Variants in MARCHF11 observed in about 807,000 individuals in gnomAD.
MARCHF11 encodes the protein E3 ubiquitin-protein ligase MARCHF11.
In MARCHF11, 29 loss-of-function variants were observed where a neutral mutation model predicts 37.3. The observed-to-expected ratio is 0.78, with a 90% confidence interval of 0.58 to 1.06. The LOEUF (loss-of-function observed/expected upper bound fraction) is 1.06. MARCHF11 is among the 50% of genes least tolerant of loss of function. The pLI is 0.00. For synonymous variants in MARCHF11, 233 were observed against 228.0 expected (o/e 1.02, Z -0.20); for missense variants, 482 against 533.4 (o/e 0.90, Z 0.95).
chr5:16,158,086 T>C (rs1263003419), intron 2 of MARCHF11, among the ~76,000 whole-genome samples: 1 of 151,908 alleles, frequency 6.6e-6, no homozygotes, highest in Non-Finnish European at 1.5e-5. Context: ...TGCCCAGCAT[T>C]ACTAATCATT....
intron 2 of MARCHF11, among the ~76,000 whole-genome samples, chr5:16,104,668 G>T (rs1035601944): frequency 1.3e-5 from 2 of 148,640 alleles, no homozygotes; most frequent in African/African-American, 5.1e-5. Flanking sequence ...CCCCAAGGAA[G>T]GCCATTTACC....
intron 2 of MARCHF11, among the ~76,000 whole-genome samples, chr5:16,096,997 G>C (rs1736879036): frequency 6.6e-6 from 1 of 152,126 alleles, no homozygotes. Context: ...TTTTTACAAG[G>C]CAGGCCAGAA....
intron 2 of MARCHF11, among the ~76,000 whole-genome samples, chr5:16,111,766 A>G (rs1737141155): frequency 6.6e-6 from 1 of 152,218 alleles, no homozygotes; most frequent in East Asian, 1.9e-4. Flanking sequence ...TTTGGAGAGC[A>G]GCCCCTCCCA....
At chr5:16,104,053 C>A (rs1247587801) in intron 2 of MARCHF11, among the ~76,000 whole-genome samples, 1 of 152,174 alleles carries the variant, frequency 6.6e-6, no homozygotes, top group Admixed American at 6.5e-5. Flanking sequence ...ATCTTTGTGT[C>A]ATGGTAACTG....
chr5:16,096,823 A>C (rs1736876594), intron 2 of MARCHF11, among the ~76,000 whole-genome samples: 1 of 152,194 alleles, frequency 6.6e-6, no homozygotes, highest in Non-Finnish European at 1.5e-5. Flanking sequence ...AAAAAGGTGG[A>C]CCTTTCTGTT....
chr5:16,113,888 C>A (rs1211191745), intron 2 of MARCHF11, among the ~76,000 whole-genome samples: 2 of 152,158 alleles, frequency 1.3e-5, no homozygotes, highest in Non-Finnish European at 2.9e-5. Context: ...TTCTATCTAA[C>A]TGTATGTTTG....
intron 3 of MARCHF11, among the ~76,000 whole-genome samples, chr5:16,077,974 A>G (rs1418540551): frequency 6.6e-6 from 1 of 152,224 alleles, no homozygotes; most frequent in Non-Finnish European, 1.5e-5. Context: ...AAATCAGTTC[A>G]TCTATTATTT....
intron 2 of MARCHF11, among the ~76,000 whole-genome samples, chr5:16,142,722 G>A (rs1267401254): frequency 5.3e-5 from 6 of 112,532 alleles, no homozygotes; most frequent in South Asian, 5.4e-4. Context: ...ATGGAGTTTC[G>A]CTCTTGTTGC....
chr5:16,087,783 C>G lies in MARCHF11; in HGVS notation c.886+3106G>C, dbSNP rs377085591. 4.6e-5 allele frequency among the ~76,000 whole-genome samples: 7 copies of G among 152,200 alleles called. No homozygotes were observed. In the East Asian group the frequency reaches 1.3e-3, roughly 29 times the overall value. On this transcript the variant is annotated intron_variant, in intron 3 of 3. Coordinates refer to ENST00000332432, the MANE Select transcript of MARCHF11 (RefSeq NM_001102562.3). ...ATTAATTATGAATGAAAGCAACAAACAAATTCACTGTGCCTAGGAATAAGT... is the reference window on the plus strand; with the variant it reads ...ATTAATTATGAATGAAAGCAACAAAGAAATTCACTGTGCCTAGGAATAAGT...
chr5:16,153,672 A>G (rs1419729800), intron 2 of MARCHF11, among the ~76,000 whole-genome samples: 1 of 152,000 alleles, frequency 6.6e-6, no homozygotes, highest in Non-Finnish European at 1.5e-5. Flanking sequence ...GAGAATGCTA[A>G]TTGTGGCTTA....
intron 2 of MARCHF11, among the ~76,000 whole-genome samples, chr5:16,111,310 T>C (rs985915503): frequency 2.0e-5 from 3 of 152,200 alleles, no homozygotes; most frequent in Admixed American, 6.5e-5. Context: ...ACTTGTTGAA[T>C]GGCTTTGACT....
intron 3 of MARCHF11, 118 bp from the exon 4 acceptor site, chr5:16,067,911 T>A: frequency 1.1e-6 from 1 of 875,980 alleles, no homozygotes; most frequent in Non-Finnish European, 1.7e-6. Flanking sequence ...TCAGCAAAAA[T>A]ACAGTATTCT....
intron 2 of MARCHF11, among the ~76,000 whole-genome samples, chr5:16,141,921 T>G (rs997695363): frequency 6.6e-6 from 1 of 152,204 alleles, no homozygotes; most frequent in Non-Finnish European, 1.5e-5. Flanking sequence ...ATCAAGATAT[T>G]GCTGCATTCG....
At chr5:16,136,265 G>A (rs1280079953) in intron 2 of MARCHF11, among the ~76,000 whole-genome samples, 1 of 151,958 alleles carries the variant, frequency 6.6e-6, no homozygotes, top group African/African-American at 2.4e-5. Flanking sequence ...AAATATTCAA[G>A]GGTACATTGG....
intron 2 of MARCHF11, among the ~76,000 whole-genome samples, chr5:16,091,351 G>A (rs1437707735): frequency 6.6e-6 from 1 of 152,136 alleles, no homozygotes; most frequent in African/African-American, 2.4e-5. Context: ...AGTGTGAATG[G>A]CTAAGGAATA....
chr5:16,150,848 G>A (rs1466014783), intron 2 of MARCHF11, among the ~76,000 whole-genome samples: 1 of 151,796 alleles, frequency 6.6e-6, no homozygotes, highest in East Asian at 1.9e-4. Flanking sequence ...TAATTCTGAG[G>A]ACCAGCTTCA....
chr5:16,072,867 A>G (rs2126544127), intron 3 of MARCHF11, among the ~76,000 whole-genome samples: 1 of 152,172 alleles, frequency 6.6e-6, no homozygotes, highest in East Asian at 1.9e-4. Flanking sequence ...GTGGGAAGGG[A>G]GACGAGGGAG....
At chr5:16,135,974 G>A (rs1050647339) in intron 2 of MARCHF11, among the ~76,000 whole-genome samples, 8 of 151,842 alleles carry the variant, frequency 5.3e-5, no homozygotes, top group Non-Finnish European at 8.8e-5. Flanking sequence ...GCAAAATGAT[G>A]TGGGAAGATC....
chr5:16,153,482 G>A lies in MARCHF11; in HGVS notation c.693+24244C>T, dbSNP rs192092982. On this transcript the variant is annotated intron_variant, in intron 2 of 3. Transcript: ENST00000332432. ...TAGGCAACTGGGAGCTGCCAAAGAA[G>A]CTCTTAAGAAAGAAACAGCATGTTC... Among the ~76,000 whole-genome samples the A allele has an allele frequency of 2.6e-4, 40 of 152,080 alleles. No homozygotes were observed. The East Asian group carries it at 4.9e-3, about 19-fold the overall frequency.
Sources: allele counts gnomAD v4.1 joint callset (sites outside exome capture counted in the v4.1 genomes callset), GRCh38; gene constraint gnomAD v4.1.1; transcripts MANE v1.5; gene names NCBI Gene and HGNC (gene_info 2026-07-23, HGNC 2026-07-21).